DKK2: variants seen among roughly 807,000 people sequenced by gnomAD.
DKK2 encodes the protein dickkopf-related protein 2.
A neutral mutation model predicts 28.1 loss-of-function variants in DKK2; 11 were observed. That is an observed-to-expected ratio of 0.39 (90% CI 0.25 to 0.65). The LOEUF (loss-of-function observed/expected upper bound fraction) is 0.65, where lower values mean the gene tolerates loss of function less well. Among genes scored for constraint, DKK2 ranks in the 30% least tolerant of loss-of-function variants. The probability of loss-of-function intolerance (pLI) is 0.47; values close to 1 mark genes in which losing one functional copy is unlikely to be tolerated. For synonymous variants in DKK2, 135 were observed against 126.5 expected, an observed-to-expected ratio of 1.07 and a Z score of -0.45; for missense variants, 326 against 335.5, an observed-to-expected ratio of 0.97 and a Z score of 0.22.
intron 1 of DKK2, among the ~76,000 whole-genome samples, chr4:107,016,750 C>T (rs980104124): frequency 1.3e-4 from 19 of 151,614 alleles, no homozygotes; most frequent in African/African-American, 4.6e-4. Flanking sequence ...ATGGATGAAT[C>T]CAAGGCTTTT....
intron 1 of DKK2, among the ~76,000 whole-genome samples, chr4:106,951,992 G>T (rs1037051905): frequency 6.6e-6 from 1 of 152,036 alleles, no homozygotes; most frequent in Non-Finnish European, 1.5e-5. Context: ...TGTTTGGTGT[G>T]GTATTGACTA....
chr4:106,957,108 G>T lies in DKK2; in HGVS notation c.223-31159C>A, dbSNP rs535041973. Among the ~76,000 whole-genome samples, 40 of 152,016 alleles carry T rather than the reference G, an allele frequency of 2.6e-4. No homozygotes were observed. In the South Asian group the frequency reaches 6.7e-3, roughly 25 times the overall value. Reference sequence around the variant, plus strand: ...GTGGGCAAAGGACATGAACAGACACGTCTCAAAAGAAGACATTCATGCAGC... The same window carrying T: ...GTGGGCAAAGGACATGAACAGACACTTCTCAAAAGAAGACATTCATGCAGC... On this transcript the variant is annotated intron_variant, in intron 1 of 3. Coordinates refer to ENST00000285311, the MANE Select transcript of DKK2 (RefSeq NM_014421.3).
chr4:107,002,584 T>TA lies in DKK2; in HGVS notation c.222+32785dup, dbSNP rs796186792. ...ATGACTTTTACTGCCAAAAAGACAG[T>TA]AAAAAAAAAGAAAAGGGAAGAGAAA... On this transcript the variant is annotated intron_variant, in intron 1 of 3. Coordinates refer to ENST00000285311, the MANE Select transcript of DKK2 (RefSeq NM_014421.3). Among the ~76,000 whole-genome samples, 305 of 150,576 alleles carry TA rather than the reference T, an allele frequency of 2.0e-3. 1 individual carries two copies. The highest frequency in any genetic ancestry group is 6.7e-3 in the African/African-American group (276 of 41,012).
chr4:106,961,122 T>G (rs145769448), intron 1 of DKK2, among the ~76,000 whole-genome samples: 4 of 152,254 alleles, frequency 2.6e-5, no homozygotes, highest in African/African-American at 9.6e-5. Context: ...AGTTTAATAT[T>G]TTGATAAAAG....
chr4:107,027,800 A>G lies in DKK2; in HGVS notation c.222+7570T>C, dbSNP rs145918961. 1.4e-3 allele frequency among the ~76,000 whole-genome samples: 197 copies of G among 140,984 alleles called. 2 individuals are homozygous for G. The East Asian group carries it at 0.028, about 20-fold the overall frequency. The allele number at this position is 140,984 out of a possible 152,430, so 92.5% of individuals were successfully genotyped here. ...AGAGTCTCGCTCTGTCGCCCAGGCT[A>G]GAGTACAGTGGCGCGATCTCGGCTC... On this transcript the variant is annotated intron_variant, in intron 1 of 3. Coordinates refer to ENST00000285311, the MANE Select transcript of DKK2 (RefSeq NM_014421.3).
intron 1 of DKK2, among the ~76,000 whole-genome samples, chr4:106,962,491 ATG>A (rs59831895): frequency 0.059 from 6,864 of 117,038 alleles, 184 homozygotes; most frequent in Admixed American, 0.11. Context: ...CAGAAAAACT[ATG>A]TGTGTGTGTG....
chr4:106,962,701 A>G (rs1042046531), intron 1 of DKK2, among the ~76,000 whole-genome samples: 1 of 152,132 alleles, frequency 6.6e-6, no homozygotes. Context: ...GTCTGGGCAC[A>G]GATTTCTTGA....
At chr4:106,932,560 C>T (rs1348129697) in intron 1 of DKK2, among the ~76,000 whole-genome samples, 2 of 152,126 alleles carry the variant, frequency 1.3e-5, no homozygotes, top group Non-Finnish European at 2.9e-5. Context: ...ACGAGGTTTA[C>T]CTGGCTCTTG....
At chr4:107,024,006 T>C (rs1723733989) in intron 1 of DKK2, among the ~76,000 whole-genome samples, 1 of 152,162 alleles carries the variant, frequency 6.6e-6, no homozygotes, top group Non-Finnish European at 1.5e-5. Flanking sequence ...TGAAAAACAC[T>C]CACTTTCTTC....
intron 1 of DKK2, among the ~76,000 whole-genome samples, chr4:107,003,433 C>T (rs1162983502): frequency 1.3e-5 from 2 of 152,244 alleles, no homozygotes; most frequent in Admixed American, 6.5e-5. Context: ...ATGCTCTGGA[C>T]AAGACTGGTC....
At chr4:106,953,008 T>C (rs533722297) in intron 1 of DKK2, among the ~76,000 whole-genome samples, 1 of 152,334 alleles carries the variant, frequency 6.6e-6, no homozygotes, top group South Asian at 2.1e-4. Context: ...AGGGACAACA[T>C]TCTCTTTTAT....
intron 1 of DKK2, among the ~76,000 whole-genome samples, chr4:106,987,685 C>A (rs1474854501): frequency 6.6e-6 from 1 of 151,674 alleles, no homozygotes; most frequent in Non-Finnish European, 1.5e-5. Context: ...AGCATAAGTT[C>A]TTGTTCTCTG....
chr4:106,952,025 C>T (rs879620314), intron 1 of DKK2, among the ~76,000 whole-genome samples: 3 of 152,076 alleles, frequency 2.0e-5, no homozygotes, highest in Non-Finnish European at 4.4e-5. Flanking sequence ...ACTAAAGAAT[C>T]TTAGATTTGG....
intron 1 of DKK2, among the ~76,000 whole-genome samples, chr4:107,001,822 G>T (rs187059243): frequency 9.2e-5 from 14 of 152,294 alleles, no homozygotes; most frequent in Admixed American, 4.6e-4. Context: ...TAAGGAAAGG[G>T]TGCATCTATG....
chr4:106,924,033 G>T lies in DKK2; in HGVS notation c.701C>A (p.Ala234Glu), dbSNP rs1022779034. 6.2e-7 allele frequency: 1 copy of T among 1,613,916 alleles called. No homozygotes were observed. The highest frequency in any genetic ancestry group is 8.5e-7 in the Non-Finnish European group (1 of 1,179,920). ...CCATACTTTGCAAGACAGGCCCTTC[G>T]CACAGTCGCAACGCTGGAAAATTTC... ...GLEIFQRCDC[A>E]KGLSCKVWKD... Residue 234 changes from alanine to glutamate, a missense_variant, in exon 4 of 4, where the codon GCG becomes GAG. Physicochemically the swap from Ala to Glu is moderately radical, Grantham distance 107 (BLOSUM62 -1). Transcript: ENST00000285311.
chr4:106,925,149 AC>A (rs1241539428), intron 2 of DKK2, among the ~76,000 whole-genome samples: 20 of 152,178 alleles, frequency 1.3e-4, no homozygotes, highest in African/African-American at 4.6e-4. Context: ...CAAGAGACTC[AC>A]AGTAGGTCTA....
chr4:106,952,733 T>TA (rs2110347298), intron 1 of DKK2, among the ~76,000 whole-genome samples: 1 of 152,172 alleles, frequency 6.6e-6, no homozygotes, highest in African/African-American at 2.4e-5. Flanking sequence ...TGTATAGAAA[T>TA]AAAAAACTAG....
chr4:107,034,238 C>T lies in DKK2; in HGVS notation c.222+1132G>A, dbSNP rs564960168. On this transcript the variant is annotated intron_variant, in intron 1 of 3. Transcript: ENST00000285311. Reference sequence around the variant, plus strand: ...CAGGGGCGGCGGAGGACACCGAGAGCGCGCAAAACAGCAGCATCAGTCGGT... The same window carrying T: ...CAGGGGCGGCGGAGGACACCGAGAGTGCGCAAAACAGCAGCATCAGTCGGT... Among the ~76,000 whole-genome samples, 848 of 152,160 alleles carry T rather than the reference C, an allele frequency of 5.6e-3. 5 individuals carry two copies. Among genetic ancestry groups the T allele is most frequent in the Non-Finnish European group, 6.9e-3 (470 of 68,000 alleles).
At chr4:106,957,564 T>C (rs1411381195) in intron 1 of DKK2, among the ~76,000 whole-genome samples, 4 of 151,848 alleles carry the variant, frequency 2.6e-5, no homozygotes, top group Non-Finnish European at 5.9e-5. Flanking sequence ...CATGGAATAC[T>C]ATGCAGCCAT....
Sources: gnomAD v4.1 joint callset for allele counts (sites outside exome capture counted in the v4.1 genomes callset) on GRCh38, gnomAD v4.1.1 for gene constraint, MANE v1.5 for transcripts, NCBI Gene and HGNC (gene_info 2026-07-23, HGNC 2026-07-21) for gene names.